DECR1: variants seen among roughly 807,000 people sequenced by gnomAD.
DECR1 encodes 2,4-dienoyl-CoA reductase [(3E)-enoyl-CoA-producing], mitochondrial.
In DECR1, 44 loss-of-function variants were observed where a neutral mutation model predicts 38.8. That is an observed-to-expected ratio of 1.13 (90% CI 0.89 to 1.46). The LOEUF (loss-of-function observed/expected upper bound fraction) is 1.46. Among genes scored for constraint, DECR1 ranks in the 40% most tolerant of loss-of-function variants. The pLI is 0.00. For synonymous variants in DECR1, 148 were observed against 135.2 expected, an observed-to-expected ratio of 1.09 and a Z score of -0.66; for missense variants, 428 against 405.5, an observed-to-expected ratio of 1.06 and a Z score of -0.48.
Position 90,051,824 on chromosome 8 carries a change from CT to C in DECR1, c.949-8del. 6.2e-7 allele frequency: 1 copy of C among 1,613,458 alleles called. No individual in the cohort carries two copies. The highest frequency in any genetic ancestry group is 8.5e-7 in the Non-Finnish European group (1 of 1,179,652). Reference sequence around the variant, plus strand: ...TGTAAAAAGGACATTAAATTGACATCTTTTTTGTGTTAGGTCACCAAGGAGC... The same window carrying C: ...TGTAAAAAGGACATTAAATTGACATCTTTTTGTGTTAGGTCACCAAGGAGC... On this transcript the variant is annotated splice_polypyrimidine_tract_variant and intron_variant, in intron 9 of 9. Coordinates refer to ENST00000220764, the MANE Select transcript of DECR1 (RefSeq NM_001359.2).
intron 5 of DECR1, among the ~76,000 whole-genome samples, chr8:90,030,095 A>G (rs1374541877): frequency 1.3e-5 from 2 of 152,134 alleles, no homozygotes; most frequent in Non-Finnish European, 2.9e-5. Flanking sequence ...GCATTAGAGT[A>G]TCATAAGGAA....
At chr8:90,029,051 A>T (rs1813426744) in intron 5 of DECR1, among the ~76,000 whole-genome samples, 1 of 152,062 alleles carries the variant, frequency 6.6e-6, no homozygotes, top group Non-Finnish European at 1.5e-5. Context: ...TTAAAAAATT[A>T]GTTGTTGTAA....
At chr8:90,011,409 T>C (rs1262105360) in intron 1 of DECR1, among the ~76,000 whole-genome samples, 2 of 152,208 alleles carry the variant, frequency 1.3e-5, no homozygotes, top group East Asian at 1.9e-4. Context: ...AACAATTCTT[T>C]AATGAATCTC....
intron 6 of DECR1, among the ~76,000 whole-genome samples, chr8:90,038,959 G>T (rs1329712660): frequency 2.0e-5 from 3 of 152,158 alleles, no homozygotes; most frequent in Non-Finnish European, 4.4e-5. Flanking sequence ...TATTTGTTTT[G>T]TGAGGACTCT....
chr8:90,005,001 G>A (rs1002108755), intron 1 of DECR1, among the ~76,000 whole-genome samples: 1 of 152,184 alleles, frequency 6.6e-6, no homozygotes, highest in African/African-American at 2.4e-5. Context: ...CATACCTAGA[G>A]GAGGCAAGGA....
chr8:90,007,048 T>C (rs920721300), intron 1 of DECR1, among the ~76,000 whole-genome samples: 1 of 152,096 alleles, frequency 6.6e-6, no homozygotes, highest in Admixed American at 6.5e-5. Context: ...GAGGAGAGAA[T>C]GTTAATTCTC....
At chr8:90,025,002 T>G (rs1231953382) in intron 5 of DECR1, among the ~76,000 whole-genome samples, 1 of 152,232 alleles carries the variant, frequency 6.6e-6, no homozygotes, top group Non-Finnish European at 1.5e-5. Context: ...TGCTTGTTTT[T>G]GTCAGGTTTG....
intron 1 of DECR1, among the ~76,000 whole-genome samples, chr8:90,015,275 T>C (rs1360868213): frequency 6.6e-6 from 1 of 152,206 alleles, no homozygotes; most frequent in Non-Finnish European, 1.5e-5. Flanking sequence ...TTCCCTATTA[T>C]TATTTATCTT....
chr8:90,003,292 A>G (rs1315733963), intron 1 of DECR1: 1 of 152,224 alleles, frequency 6.6e-6, no homozygotes, highest in Non-Finnish European at 1.5e-5. Flanking sequence ...ACCAAGAACC[A>G]AGGCAAATGT....
chr8:90,029,758 T>C (rs1243948996), intron 5 of DECR1, among the ~76,000 whole-genome samples: 5 of 152,136 alleles, frequency 3.3e-5, no homozygotes, highest in Non-Finnish European at 7.4e-5. Context: ...CCCATAGACA[T>C]TGTACTTGGC....
At chr8:90,029,418 A>T (rs926109162) in intron 5 of DECR1, 5 of 152,176 alleles carry the variant, frequency 3.3e-5, no homozygotes, top group Non-Finnish European at 5.9e-5. Context: ...GGAAGCTTGA[A>T]CCATATGGAG....
intron 5 of DECR1, among the ~76,000 whole-genome samples, chr8:90,026,079 G>C (rs1328197872): frequency 6.6e-6 from 1 of 152,216 alleles, no homozygotes; most frequent in Non-Finnish European, 1.5e-5. Flanking sequence ...AAGCCCACTT[G>C]ATCATGGTGG....
Position 90,017,314 on chromosome 8 carries a change from T to C in DECR1, c.260T>C (p.Val87Ala). Residue 87 changes from valine to alanine, a missense_variant, in exon 2 of 10, where the codon GTG (valine) becomes GCG (alanine). Val to Ala is a moderately conservative substitution (Grantham distance 64). Transcript: ENST00000220764. The stretch of plus-strand genomic sequence containing the variant: ...CTGTCCAGCCTAGGTGCTCAGTGCG[T>C]GATAGCCAGCCGGTAAGTCCCTTAC... ...TLLSSLGAQCVIASRKMDVLK... is the reference protein window; with the variant it reads ...TLLSSLGAQCAIASRKMDVLK... 6.2e-7 allele frequency: 1 copy of C among 1,613,946 alleles called. No individual in the cohort carries two copies. The highest frequency in any genetic ancestry group is 8.5e-7 in the Non-Finnish European group (1 of 1,179,954).
At chr8:90,029,114 CACTT>C (rs1813428388) in intron 5 of DECR1, among the ~76,000 whole-genome samples, 1 of 152,050 alleles carries the variant, frequency 6.6e-6, no homozygotes, top group African/African-American at 2.4e-5. Flanking sequence ...TAGTCATAGT[CACTT>C]AGTTTACACC....
intron 2 of DECR1, 71 bp from the exon 3 acceptor site, chr8:90,018,838 G>A (rs1241931352): frequency 5.4e-6 from 6 of 1,116,142 alleles, no homozygotes; most frequent in Non-Finnish European, 6.7e-6. Context: ...TTAAGCTATG[G>A]ATTCTCTGTA....
At chr8:90,048,567 C>G (rs1477277768) in intron 8 of DECR1, among the ~76,000 whole-genome samples, 1 of 152,116 alleles carries the variant, frequency 6.6e-6, no homozygotes, top group Non-Finnish European at 1.5e-5. Flanking sequence ...CAAAAAAAGT[C>G]CAGGACCAGA....
chr8:90,021,939 A>G (rs1813174927), intron 5 of DECR1, among the ~76,000 whole-genome samples: 1 of 152,196 alleles, frequency 6.6e-6, no homozygotes, highest in African/African-American at 2.4e-5. Context: ...TCTAATGTAT[A>G]TATGTGTGTA....
chr8:90,051,470 G>A (rs1814090832), intron 8 of DECR1, among the ~76,000 whole-genome samples: 1 of 152,170 alleles, frequency 6.6e-6, no homozygotes, highest in South Asian at 2.1e-4. Flanking sequence ...ATATTGGGTA[G>A]ATATTTGAAA....
At chr8:90,047,358 AC>A (rs941161676) in intron 8 of DECR1, among the ~76,000 whole-genome samples, 3 of 151,710 alleles carry the variant, frequency 2.0e-5, no homozygotes, top group African/African-American at 7.3e-5. Context: ...CAAATGGAAA[AC>A]AAAAAAAAAG....
Sources: allele counts gnomAD v4.1 joint callset (sites outside exome capture counted in the v4.1 genomes callset), GRCh38; gene constraint gnomAD v4.1.1; transcripts MANE v1.5; gene names NCBI Gene and HGNC (gene_info 2026-07-23, HGNC 2026-07-21).